The following NBEAL2 variants were observed in gnomAD, a reference collection of about 807,000 sequenced individuals.
NBEAL2 encodes neurobeachin-like protein 2.
A neutral mutation model predicts 299.8 loss-of-function variants in NBEAL2; 160 were observed. The ratio of observed to expected loss-of-function variants is 0.53; its 90% CI spans 0.47 to 0.61. The LOEUF (loss-of-function observed/expected upper bound fraction) is 0.61, where lower values mean the gene tolerates loss of function less well. Among genes scored for constraint, NBEAL2 ranks in the 20% least tolerant of loss-of-function variants. NBEAL2 has a pLI of 0.00. For missense variants in NBEAL2, 3,112 were observed against 3,649.0 expected (o/e 0.85, Z 3.79); for synonymous variants, 1,493 against 1,542.3 (o/e 0.97, Z 0.75).
chr3:47,005,190 C>T lies in NBEAL2; in HGVS notation c.6429C>T (p.Ser2143=), dbSNP rs759863751. 1.9e-6 allele frequency: 3 copies of T among 1,613,728 alleles called. No homozygotes were observed. The highest frequency in any genetic ancestry group is 2.7e-5 in the African/African-American group (2 of 74,944). Residue 2143 remains serine, a synonymous_variant, in exon 40 of 54, where the codon AGC becomes AGT. Coordinates refer to ENST00000450053, the MANE Select transcript of NBEAL2 (RefSeq NM_015175.3). ...CCAACTGTGGCCCCAGGTATGAAAGCTTTGAGGACCCAGCAGGGACCATTG... is the reference window on the plus strand; with the variant it reads ...CCAACTGTGGCCCCAGGTATGAAAGTTTTGAGGACCCAGCAGGGACCATTG... ...HAQLVREKYE[S]FEDPAGTIDK... is the part of the protein sequence containing the mutation.
chr3:46,987,321 G>A (rs1455513809), intron 1 of NBEAL2, among the ~76,000 whole-genome samples: 2 of 152,184 alleles, frequency 1.3e-5, no homozygotes, highest in African/African-American at 4.8e-5. Context: ...TGACTGTGAT[G>A]TGTCCCTTGC....
In NBEAL2 at chr3:46,993,752, T is replaced by C. The variant is rs562375795; in HGVS notation, c.1114-185T>C. On this transcript the variant is annotated intron_variant, in intron 10 of 53. Transcript: ENST00000450053. ...TTGCTGAGCTGCTCAGAGAGGGCCC[T>C]AGGTCATGATAGGGTCACAGCAGTT... 2.6e-5 allele frequency among the ~76,000 whole-genome samples: 4 copies of C among 152,246 alleles called. No individual in the cohort carries two copies. The East Asian group carries it at 7.7e-4, about 29-fold the overall frequency.
Position 47,008,998 on chromosome 3 carries a change from G to A in NBEAL2, c.8037G>A (p.Pro2679=), listed in dbSNP as rs781250267. The A allele has an allele frequency of 1.2e-5, 19 of 1,599,382 alleles. No individual in the cohort carries two copies. The East Asian group carries it at 1.8e-4, about 15-fold the overall frequency. ...LHILQLNTLL[P]AAPPLPMKVA... ...CCCCTCTCCCTTCCAGACTGCTCCC[G>A]GCCGCGCCTCCCTTGCCCATGAAGG... Residue 2679 remains proline (P), a synonymous_variant, in exon 53 of 54, where the codon CCG becomes CCA. Coordinates refer to ENST00000450053, the MANE Select transcript of NBEAL2 (RefSeq NM_015175.3).
Position 47,003,268 on chromosome 3 carries a change from G to C in NBEAL2, c.5679G>C (p.Glu1893Asp). Reference protein sequence around the residue: ...KVSTPPELLQEDQLGEDELAE... With the variant: ...KVSTPPELLQDDQLGEDELAE... ...GCACCCCACCCGAGTTGCTGCAGGA[G>C]GACCAGCTCGGCGAGGACGAGCTGG... is the stretch of plus-strand genomic sequence containing the variant. Residue 1893 changes from glutamate to aspartate, a missense_variant, in exon 35 of 54, where the codon GAG becomes GAC. By Grantham distance (45) the Glu-to-Asp change is conservative (BLOSUM62 2). Coordinates refer to ENST00000450053, the MANE Select transcript of NBEAL2 (RefSeq NM_015175.3). The surrounding 1 kb of genome is among the most constrained non-coding windows in gnomAD (Gnocchi z 7.0). The C allele has an allele frequency of 6.2e-7, 1 of 1,613,150 alleles. No individual in the cohort carries two copies. The highest frequency in any genetic ancestry group is 8.5e-7 in the Non-Finnish European group (1 of 1,179,850).
Position 47,000,241 on chromosome 3 carries a change from C to G in NBEAL2, c.4142C>G (p.Thr1381Ser). ...GGTGGCGGCAGCAGTGGGACTCTTACTCCAGCCAGCCAGCCCGGCACTCCT... is the reference window on the plus strand; with the variant it reads ...GGTGGCGGCAGCAGTGGGACTCTTAGTCCAGCCAGCCAGCCCGGCACTCCT... Reference protein sequence around the residue: ...AGGGGSSGTLTPASQPGTPSP... With the variant: ...AGGGGSSGTLSPASQPGTPSP... The change falls in exon 27 of 54, where the codon ACT becomes AGT. Residue 1381 changes from threonine to serine, a missense_variant. Thr to Ser is a moderately conservative substitution (Grantham distance 58). Around this residue, in one of 3 missense-constraint regions of NBEAL2, gnomAD observed 2,243 missense variants for 2,538.1 expected, o/e 0.88. Transcript: ENST00000450053. The surrounding 1 kb of genome is among the most constrained non-coding windows in gnomAD (Gnocchi z 4.5). 1 of 1,613,386 alleles carries G rather than the reference C, an allele frequency of 6.2e-7. No homozygotes were observed.
At chr3:47,006,487 A>C (rs1559621004) in intron 45 of NBEAL2, 38 bp downstream of exon 45, 40 of 1,536,710 alleles carry the variant, frequency 2.6e-5, no homozygotes, top group Non-Finnish European at 3.5e-5. Context: ...ATATTCTGTG[A>C]AATGGGTTTA....
Position 46,995,746 on chromosome 3 carries a change from C to G in NBEAL2, c.1931C>G (p.Ala644Gly), listed in dbSNP as rs1258038343. The change falls in exon 14 of 54, where the codon GCC becomes GGC. Residue 644 changes from alanine to glycine, a missense_variant. Ala to Gly is a moderately conservative substitution (Grantham distance 60). Around this residue, in one of 3 missense-constraint regions of NBEAL2, gnomAD observed 2,243 missense variants for 2,538.1 expected, o/e 0.88. Transcript: ENST00000450053. Reference protein sequence around the residue: ...FFTSSGSGFEAFFTAAGTLVV... With the variant: ...FFTSSGSGFEGFFTAAGTLVV... ...ACCAGCAGCGGCTCAGGGTTTGAGG[C>G]CTTCTTCACGGCGGCCGGGACCCTG... The G allele has an allele frequency of 6.2e-7, 1 of 1,613,722 alleles. No homozygotes were observed.
intron 1 of NBEAL2, among the ~76,000 whole-genome samples, chr3:46,986,375 C>T (rs1362900332): frequency 6.6e-6 from 1 of 152,104 alleles, no homozygotes; most frequent in African/African-American, 2.4e-5. Flanking sequence ...TACCAAAAGC[C>T]CAAGTCACAC....
At chr3:46,997,076 A>T in intron 18 of NBEAL2, 30 bp downstream of exon 18, 2 of 1,597,362 alleles carry the variant, frequency 1.3e-6, no homozygotes, top group Non-Finnish European at 1.7e-6. Context: ...TGGTGTGTGC[A>T]GGAGGCATGA....
intron 20 of NBEAL2, among the ~76,000 whole-genome samples, 165 bp from the exon 21 acceptor site, chr3:46,997,902 G>GC (rs1033323353): frequency 3.3e-5 from 5 of 152,246 alleles, no homozygotes; most frequent in Non-Finnish European, 7.3e-5. Context: ...CAGCAGGCAG[G>GC]AGGCTTGCGT....
At chr3:46,981,951 G>C (rs910519855) in intron 1 of NBEAL2, 3 of 152,372 alleles carry the variant, frequency 2.0e-5, no homozygotes, top group African/African-American at 7.2e-5. Flanking sequence ...CAGGTATGGA[G>C]CATAGGCTGG....
rs777277959 is a variant in NBEAL2, at chr3:46,997,567, G to T, written c.2831G>T (p.Arg944Leu). ...VLPLGKSSEE[R>L]MERNAVAAFL... ...CCTTCCTGATGGCTGGCAGAGGAAC[G>T]GATGGAGAGGAACGCAGTGGCTGCT... Residue 944 changes from arginine to leucine, a missense_variant, in exon 20 of 54, where the codon CGG becomes CTG. Physicochemically the swap from Arg to Leu is moderately radical, Grantham distance 102. Coordinates refer to ENST00000450053, the MANE Select transcript of NBEAL2 (RefSeq NM_015175.3). The T allele has an allele frequency of 3.1e-6, 5 of 1,594,610 alleles. No individual in the cohort carries two copies. In the Admixed American group the frequency reaches 8.5e-5, roughly 27 times the overall value.
chr3:46,997,306 G>A lies in NBEAL2; in HGVS notation c.2697G>A (p.Leu899=). The A allele has an allele frequency of 6.2e-7, 1 of 1,613,036 alleles. No homozygotes were observed. Among genetic ancestry groups the A allele is most frequent in the Non-Finnish European group, 8.5e-7 (1 of 1,179,844 alleles). Residue 899 remains leucine, a synonymous_variant, in exon 19 of 54, where the codon CTG becomes CTA. Coordinates refer to ENST00000450053, the MANE Select transcript of NBEAL2 (RefSeq NM_015175.3). ...VGGMGALLPL[L]ERVAAQPKEA... is the part of the protein sequence containing the mutation. The stretch of plus-strand genomic sequence containing the variant: ...GTATGGGTGCCCTGCTGCCCCTGCT[G>A]GAGCGAGTAGCTGCACAGCCCAAAG...
rs115488247 is a variant in NBEAL2, at chr3:46,988,012, G to T, written c.52-657G>T. The T allele has an allele frequency of 7.8e-7, 1 of 1,277,854 alleles. No homozygotes were observed. The highest frequency in any genetic ancestry group is 2.4e-5 in the Admixed American group (1 of 42,480). 79.2% of individuals were successfully genotyped at this position (1,277,854 alleles called of 1,614,324 possible). The stretch of plus-strand genomic sequence containing the variant: ...TTCACACCAAAGTTTTCCTGGCAGC[G>T]CCTAGACCTGGGCTTAGCCACTGCC... On this transcript the variant is annotated intron_variant, in intron 1 of 53. Transcript: ENST00000450053. The surrounding 1 kb of genome is among the most constrained non-coding windows in gnomAD (Gnocchi z 4.4).
intron 10 of NBEAL2, 35 bp downstream of exon 10, chr3:46,992,590 CT>C (rs2036189163): frequency 1.3e-6 from 2 of 1,539,546 alleles, no homozygotes; most frequent in Non-Finnish European, 1.8e-6. Context: ...CAGACACCCC[CT>C]GGGACTCCCT....
Position 47,003,083 on chromosome 3 carries a change from T to C in NBEAL2, c.5584+2T>C, listed in dbSNP as rs1575618203. The C allele has an allele frequency of 6.2e-7, 1 of 1,611,592 alleles. No individual in the cohort carries two copies. Among genetic ancestry groups the C allele is most frequent in the Non-Finnish European group, 8.5e-7 (1 of 1,179,120 alleles). On this transcript the variant is annotated splice_donor_variant, in intron 34 of 53. Coordinates refer to ENST00000450053, the MANE Select transcript of NBEAL2 (RefSeq NM_015175.3). LOFTEE classifies it high-confidence loss of function. The surrounding 1 kb of genome is among the most constrained non-coding windows in gnomAD (Gnocchi z 7.0). Reference sequence around the variant, plus strand: ...CCAGCGCTCTCCGAGACAATCTGGGTGAGGGAGTGTGCTGAGATGGGTCCA... The same window carrying C: ...CCAGCGCTCTCCGAGACAATCTGGGCGAGGGAGTGTGCTGAGATGGGTCCA...
intron 45 of NBEAL2, 58 bp from the exon 46 acceptor site, chr3:47,007,008 G>T (rs1422193535): frequency 1.5e-6 from 2 of 1,348,476 alleles, no homozygotes; most frequent in East Asian, 4.8e-5. Context: ...GCTTCAGGGA[G>T]CAGATAGTGT....
At chr3:46,996,646 G>T (rs201450805) in intron 16 of NBEAL2, 54 bp downstream of exon 16, 2 of 661,220 alleles carry the variant, frequency 3.0e-6, no homozygotes, top group South Asian at 2.4e-5. Context: ...CTAGGGGTCC[G>T]GGGGGAGAAG....
intron 20 of NBEAL2, among the ~76,000 whole-genome samples, 173 bp downstream of exon 20, chr3:46,997,867 G>A (rs2036616051): frequency 6.6e-6 from 1 of 152,246 alleles, no homozygotes. Flanking sequence ...GAAAGGCCCA[G>A]CACAGGTCGG....
Sources: gnomAD v4.1 joint callset for allele counts (sites outside exome capture counted in the v4.1 genomes callset) on GRCh38, gnomAD v4.1.1 for gene constraint, gnomAD v4.1.1 regional missense constraint, Gnocchi (gnomAD v3.1) non-coding constraint, MANE v1.5 for transcripts, NCBI Gene and HGNC (gene_info 2026-07-23, HGNC 2026-07-21) for gene names.